PGM5: variants seen among roughly 807,000 people sequenced by gnomAD.
PGM5 encodes phosphoglucomutase-like protein 5.
Under a neutral mutation model 59.2 loss-of-function variants are expected in PGM5, and 23 were observed. The ratio of observed to expected loss-of-function variants is 0.39; its 90% CI spans 0.28 to 0.55. The LOEUF (loss-of-function observed/expected upper bound fraction) is 0.55, where lower values mean the gene tolerates loss of function less well. Ranked by LOEUF, PGM5 falls within the 20% of genes least tolerant of loss-of-function variation. PGM5 has a pLI of 0.66. For missense variants in PGM5, 574 were observed against 748.3 expected (o/e 0.77, Z 2.72); for synonymous variants, 214 against 286.0 (o/e 0.75, Z 2.54).
intron 7 of PGM5, among the ~76,000 whole-genome samples, chr9:68,469,559 A>G (rs1053395750): frequency 2.0e-5 from 3 of 152,192 alleles, no homozygotes; most frequent in Admixed American, 2.0e-4. Context: ...TTCTAGCACA[A>G]GAAGGGGCCC....
chr9:68,364,146 T>C (rs2131974902), intron 1 of PGM5, among the ~76,000 whole-genome samples: 1 of 152,228 alleles, frequency 6.6e-6, no homozygotes, highest in African/African-American at 2.4e-5. Flanking sequence ...CTTGCAGAAT[T>C]CAAGAATGTC....
rs782058538 is a variant in PGM5 at position 68,499,353 on chromosome 9, G to A, written c.1606G>A (p.Glu536Lys). 2 of 1,614,040 alleles carry A rather than the reference G, an allele frequency of 1.2e-6. No homozygotes were observed. The highest frequency in any genetic ancestry group is 8.5e-7 in the Non-Finnish European group (1 of 1,179,980). Reference protein sequence around the residue: ...YERDPSGHDQEPQAVLSPLIA... With the variant: ...YERDPSGHDQKPQAVLSPLIA... ...GAGGGATCCCAGCGGCCATGACCAG[G>A]AGCCACAGGTACAGAAACAGCTGTG... Residue 536 changes from glutamate to lysine, a missense_variant, in exon 10 of 11, where the codon GAG (glutamate) becomes AAG (lysine). Physicochemically the swap from Glu to Lys is moderately conservative, Grantham distance 56. Around this residue, in one of 7 missense-constraint regions of PGM5, gnomAD observed 300 missense variants for 280.0 expected, o/e 1.07. Coordinates refer to ENST00000396396, the MANE Select transcript of PGM5 (RefSeq NM_021965.4).
intron 9 of PGM5, among the ~76,000 whole-genome samples, chr9:68,488,035 C>G (rs1193330577): frequency 6.6e-6 from 1 of 151,958 alleles, no homozygotes; most frequent in Non-Finnish European, 1.5e-5. Context: ...AATCCTGGCA[C>G]ATAACAAATG....
chr9:68,470,582 G>A lies in PGM5; in HGVS notation c.1159+5374G>A, dbSNP rs563482906. Among the ~76,000 whole-genome samples, 73 of 152,240 alleles carry A rather than the reference G, an allele frequency of 4.8e-4. 1 individual carries two copies. The South Asian group carries it at 0.01, about 21-fold the overall frequency. ...ATATTCCTCAAAAGGTAAAATATAG[G>A]AAAACTTTAGTCCATTCCCTATCTG... is the stretch of plus-strand genomic sequence containing the variant. On this transcript the variant is annotated intron_variant, in intron 7 of 10. Coordinates refer to ENST00000396396, the MANE Select transcript of PGM5 (RefSeq NM_021965.4).
At chr9:68,510,289 C>T (rs1824728195) in intron 10 of PGM5, among the ~76,000 whole-genome samples, 2 of 151,494 alleles carry the variant, frequency 1.3e-5, no homozygotes, top group South Asian at 2.1e-4. Flanking sequence ...GTAGCTGGGA[C>T]TACACGCACC....
chr9:68,500,575 A>G (rs1319294869), intron 10 of PGM5, among the ~76,000 whole-genome samples: 4 of 152,110 alleles, frequency 2.6e-5, no homozygotes, highest in African/African-American at 9.7e-5. Flanking sequence ...GATGGGACAC[A>G]CTCTGCCAAA....
intron 6 of PGM5, among the ~76,000 whole-genome samples, chr9:68,435,999 G>A (rs1197229965): frequency 6.6e-6 from 1 of 152,168 alleles, no homozygotes; most frequent in Non-Finnish European, 1.5e-5. Flanking sequence ...GCATGGTGCT[G>A]GATGCCTATA....
chr9:68,446,592 G>A (rs1160810813), intron 6 of PGM5, among the ~76,000 whole-genome samples: 1 of 152,222 alleles, frequency 6.6e-6, no homozygotes, highest in Non-Finnish European at 1.5e-5. Flanking sequence ...TGTTTAATGG[G>A]GAAACGAAGG....
At chr9:68,402,542 C>G (rs1554680744) in intron 6 of PGM5, 2 of 152,082 alleles carry the variant, frequency 1.3e-5, no homozygotes, top group Non-Finnish European at 2.9e-5. Context: ...TTTGTTTGAA[C>G]CAGGACATAA....
chr9:68,505,724 C>G (rs1168324614), intron 10 of PGM5, among the ~76,000 whole-genome samples: 2 of 152,192 alleles, frequency 1.3e-5, no homozygotes, highest in African/African-American at 4.8e-5. Context: ...TGTTCACCAG[C>G]CTGGAAGCTC....
At chr9:68,517,957 C>T (rs974120326) in intron 10 of PGM5, among the ~76,000 whole-genome samples, 1 of 152,168 alleles carries the variant, frequency 6.6e-6, no homozygotes, top group Non-Finnish European at 1.5e-5. Context: ...AGGAGAGGTA[C>T]TAAAGAAGAG....
At chr9:68,467,225 G>C (rs781885106) in intron 7 of PGM5, among the ~76,000 whole-genome samples, 2 of 152,124 alleles carry the variant, frequency 1.3e-5, no homozygotes, top group Non-Finnish European at 2.9e-5. Flanking sequence ...TGGAACCCCA[G>C]GTGATTTTAA....
intron 6 of PGM5, among the ~76,000 whole-genome samples, chr9:68,462,166 T>C (rs1179714175): frequency 1.3e-5 from 2 of 152,126 alleles, no homozygotes; most frequent in Admixed American, 6.6e-5. Flanking sequence ...CCTTTCTTTT[T>C]TTCCCTTCAC....
At chr9:68,419,491 A>T (rs1274717562) in intron 6 of PGM5, among the ~76,000 whole-genome samples, 5 of 152,158 alleles carry the variant, frequency 3.3e-5, no homozygotes, top group African/African-American at 1.2e-4. Context: ...CCATGATCAG[A>T]GTAGGTACTG....
Position 68,357,387 on chromosome 9 carries a change from G to A in PGM5, c.260G>A (p.Gly87Glu). 6.4e-7 allele frequency: 1 copy of A among 1,557,584 alleles called. No homozygotes were observed. Among genetic ancestry groups the A allele is most frequent in the Non-Finnish European group, 8.7e-7 (1 of 1,154,270 alleles). Residue 87 changes from glycine (G) to glutamate (E), a missense_variant and splice_region_variant, in exon 1 of 11, where the codon GGG becomes GAG. Physicochemically the swap from Gly to Glu is moderately conservative, Grantham distance 98. Coordinates refer to ENST00000396396, the MANE Select transcript of PGM5 (RefSeq NM_021965.4). ...GTGGTGCAGATGGCCGCGGCCAACGGGGTGAGTGTCCGGATGCCCCTCGCT... is the reference window on the plus strand; with the variant it reads ...GTGGTGCAGATGGCCGCGGCCAACGAGGTGAGTGTCCGGATGCCCCTCGCT... ...EIVVQMAAAN[G>E]IGRLIIGQNG... is the part of the protein sequence containing the mutation.
intron 6 of PGM5, among the ~76,000 whole-genome samples, chr9:68,427,853 T>C (rs1554682779): frequency 6.6e-6 from 1 of 152,092 alleles, no homozygotes; most frequent in Non-Finnish European, 1.5e-5. Flanking sequence ...TGGGCAGAGA[T>C]TGTCAAAGAG....
At chr9:68,456,399 C>T (rs569372350) in intron 6 of PGM5, among the ~76,000 whole-genome samples, 2 of 151,764 alleles carry the variant, frequency 1.3e-5, no homozygotes, top group South Asian at 4.2e-4. Context: ...CAATCTCCGC[C>T]TCCCAGGTTC....
In PGM5 at chr9:68,499,216, C is replaced by A; in HGVS notation, c.1480-11C>A. 6.2e-7 allele frequency: 1 copy of A among 1,613,922 alleles called. No individual in the cohort carries two copies. Among genetic ancestry groups the A allele is most frequent in the African/African-American group, 1.3e-5 (1 of 75,020 alleles). Reference sequence around the variant, plus strand: ...TGCTCACTGCTCCATTCTGGATGTTCTTGGTCTCAGGGCCTAAGGATCATT... The same window carrying A: ...TGCTCACTGCTCCATTCTGGATGTTATTGGTCTCAGGGCCTAAGGATCATT... On this transcript the variant is annotated splice_polypyrimidine_tract_variant and intron_variant, in intron 9 of 10. Transcript: ENST00000396396.
intron 6 of PGM5, chr9:68,395,572 A>G (rs1355375945): frequency 2.6e-5 from 4 of 152,122 alleles, no homozygotes; most frequent in African/African-American, 7.2e-5. Flanking sequence ...CCATTCCATG[A>G]ATGTGGTATA....
Sources: gnomAD v4.1 joint callset for allele counts (sites outside exome capture counted in the v4.1 genomes callset) on GRCh38, gnomAD v4.1.1 for gene constraint, gnomAD v4.1.1 regional missense constraint, MANE v1.5 for transcripts, NCBI Gene and HGNC (gene_info 2026-07-23, HGNC 2026-07-21) for gene names.